DPP6: variants seen among roughly 807,000 people sequenced by gnomAD.
DPP6 encodes the protein dipeptidyl peptidase like 6, also known as A-type potassium channel modulatory protein DPP6.
A neutral mutation model predicts 122.6 loss-of-function variants in DPP6; 69 were observed. The ratio of observed to expected loss-of-function variants is 0.56; its 90% CI spans 0.46 to 0.69. The LOEUF is 0.69. Ranked by LOEUF, DPP6 falls within the 30% of genes least tolerant of loss-of-function variation. The pLI is 0.00. For synonymous variants in DPP6, 418 were observed against 433.1 expected, an observed-to-expected ratio of 0.97 and a Z score of 0.43; for missense variants, 928 against 1,116.9, an observed-to-expected ratio of 0.83 and a Z score of 2.41.
chr7:154,713,966 A>G (rs952476053), intron 7 of DPP6, among the ~76,000 whole-genome samples: 2 of 152,172 alleles, frequency 1.3e-5, no homozygotes, highest in African/African-American at 4.8e-5. Flanking sequence ...GTTATTTACA[A>G]ATTTCTTCCT....
intron 7 of DPP6, among the ~76,000 whole-genome samples, chr7:154,711,203 T>G (rs755421509): frequency 2.0e-5 from 3 of 152,212 alleles, no homozygotes; most frequent in Non-Finnish European, 4.4e-5. Flanking sequence ...TATTTCCCCC[T>G]TAATAATAAC....
chr7:154,883,157 TCA>T (rs887559968), intron 21 of DPP6, among the ~76,000 whole-genome samples: 4 of 138,206 alleles, frequency 2.9e-5, no homozygotes, highest in South Asian at 2.3e-4. Context: ...ATACACATGC[TCA>T]CACATTCACA....
chr7:154,793,948 A>AGGCTGG, intron 10 of DPP6, 131 bp from the exon 11 acceptor site: 3 of 1,393,004 alleles, frequency 2.2e-6, no homozygotes, highest in Non-Finnish European at 2.9e-6. Flanking sequence ...AGAAGCTCGC[A>AGGCTGG]GGCTGGCTGT....
intron 5 of DPP6, among the ~76,000 whole-genome samples, chr7:154,590,874 G>A (rs1158071564): frequency 6.6e-6 from 1 of 152,102 alleles, no homozygotes; most frequent in African/African-American, 2.4e-5. Flanking sequence ...TATTCTGCGA[G>A]TAAGTGATCC....
At chr7:154,228,533 G>A (rs887159282) in intron 1 of DPP6, among the ~76,000 whole-genome samples, 6 of 152,052 alleles carry the variant, frequency 3.9e-5, no homozygotes, top group Non-Finnish European at 7.4e-5. Context: ...AGACAAATGG[G>A]CAGGCTATCA....
At chr7:154,412,123 A>T (rs554124843) in intron 1 of DPP6, among the ~76,000 whole-genome samples, 1 of 152,210 alleles carries the variant, frequency 6.6e-6, no homozygotes, top group African/African-American at 2.4e-5. Flanking sequence ...GGTCTCTTTT[A>T]TCAGGGCACT....
intron 1 of DPP6, among the ~76,000 whole-genome samples, chr7:154,020,347 A>G (rs558513785): frequency 1.5e-3 from 228 of 151,400 alleles, no homozygotes; most frequent in African/African-American, 5.4e-3. Context: ...AGGGAGAGGG[A>G]AGTAGAAAGA....
At chr7:154,662,719 C>T (rs1463695364) in intron 6 of DPP6, among the ~76,000 whole-genome samples, 1 of 92,072 alleles carries the variant, frequency 1.1e-5, no homozygotes, top group African/African-American at 3.8e-5. Flanking sequence ...GGTGAATCAC[C>T]ATGGCATATT....
At chr7:153,761,865 G>A in the DPP6 span, among the ~76,000 whole-genome samples, 7 of 152,060 alleles carry the variant, frequency 4.6e-5, no homozygotes, top group African/African-American at 1.2e-4. Context: ...TAATGAGTCC[G>A]TGTGTGCACA....
intron 1 of DPP6, among the ~76,000 whole-genome samples, chr7:154,105,100 C>G (rs1806056501): frequency 6.6e-6 from 1 of 152,218 alleles, no homozygotes; most frequent in African/African-American, 2.4e-5. Flanking sequence ...GCACTCCAGC[C>G]TGGGTGATAG....
chr7:154,478,656 A>C (rs1822966246), intron 3 of DPP6, among the ~76,000 whole-genome samples: 1 of 152,162 alleles, frequency 6.6e-6, no homozygotes, highest in African/African-American at 2.4e-5. Flanking sequence ...GATCAATATC[A>C]CAAAGTTTGT....
chr7:154,036,015 C>CACGT (rs1554439916), intron 1 of DPP6, among the ~76,000 whole-genome samples: 2 of 101,408 alleles, frequency 2.0e-5, no homozygotes, highest in Non-Finnish European at 2.0e-5. Flanking sequence ...ATTACGCGCG[C>CACGT]GCGCTTGTGT....
intron 3 of DPP6, among the ~76,000 whole-genome samples, chr7:154,532,540 C>T (rs1162132861): frequency 6.6e-6 from 1 of 151,744 alleles, no homozygotes; most frequent in African/African-American, 2.4e-5. Context: ...ATGATAATGC[C>T]AAGAGCTTGT....
chr7:154,218,813 G>A (rs896162746), intron 1 of DPP6, among the ~76,000 whole-genome samples: 2 of 152,118 alleles, frequency 1.3e-5, no homozygotes, highest in East Asian at 1.9e-4. Flanking sequence ...AAACAGCGGG[G>A]CTAAAAATGC....
chr7:154,401,212 A>C (rs1484446242), intron 1 of DPP6, among the ~76,000 whole-genome samples: 1 of 142,744 alleles, frequency 7.0e-6, no homozygotes, highest in East Asian at 2.1e-4. Flanking sequence ...AAACAAAAAC[A>C]AAAACAAAAA....
rs193155017 is a variant in DPP6 at position 153,964,484 on chromosome 7, G to A, written c.51+76750G>A. ...CTACCTGGGCACACCAGGGCTCCGT[G>A]AAAATGTGTTCCTGGGATGCCAGTG... On this transcript the variant is annotated intron_variant, in intron 1 of 25. Transcript: ENST00000404039. Among the ~76,000 whole-genome samples the A allele has an allele frequency of 1.0e-2, 1,515 of 152,202 alleles. 28 individuals are homozygous for A. Among genetic ancestry groups the A allele is most frequent in the African/African-American group, 0.035 (1,432 of 41,476 alleles).
chr7:154,160,476 G>A (rs147604828), intron 1 of DPP6, among the ~76,000 whole-genome samples: 5,138 of 152,274 alleles, frequency 0.034, 268 homozygotes, highest in African/African-American at 0.12. Flanking sequence ...TGAGCAGGAA[G>A]TGCTTGTGTG....
intron 1 of DPP6, among the ~76,000 whole-genome samples, chr7:154,358,553 C>T (rs1025983329): frequency 8.5e-5 from 13 of 152,072 alleles, no homozygotes; most frequent in Non-Finnish European, 1.8e-4. Flanking sequence ...CTGTGGCAAG[C>T]GGATGGCACT....
intron 7 of DPP6, among the ~76,000 whole-genome samples, chr7:154,671,866 A>ACACACACACGTG (rs142983904): frequency 0.39 from 46,065 of 117,840 alleles, 7,677 homozygotes; most frequent in East Asian, 0.49. Context: ...ACACACATGC[A>ACACACACACGTG]CACACACACA....
Sources: allele counts gnomAD v4.1 joint callset (sites outside exome capture counted in the v4.1 genomes callset), GRCh38; gene constraint gnomAD v4.1.1; transcripts MANE v1.5; gene names NCBI Gene and HGNC (gene_info 2026-07-23, HGNC 2026-07-21).